HDGFL3: variants seen among roughly 807,000 people sequenced by gnomAD.
The protein encoded by HDGFL3 is hepatoma-derived growth factor-related protein 3.
A neutral mutation model predicts 27.6 loss-of-function variants in HDGFL3; 6 were observed. The ratio of observed to expected loss-of-function variants is 0.22; its 90% CI spans 0.12 to 0.43. The LOEUF (loss-of-function observed/expected upper bound fraction) is 0.43, where lower values mean the gene tolerates loss of function less well. HDGFL3 is among the 20% of genes least tolerant of loss of function. The pLI is 1.00. For missense variants in HDGFL3, 207 were observed against 250.1 expected (o/e 0.83, Z 1.16); for synonymous variants, 88 against 88.9 (o/e 0.99, Z 0.05).
intron 1 of HDGFL3, among the ~76,000 whole-genome samples, chr15:83,180,449 G>C (rs1399040513): frequency 1.3e-5 from 2 of 151,874 alleles, no homozygotes; most frequent in African/African-American, 2.4e-5. Flanking sequence ...AATTAGAAAA[G>C]GGGAAAAAAC....
chr15:83,201,644 A>C (rs559043028), intron 1 of HDGFL3, among the ~76,000 whole-genome samples: 2 of 152,336 alleles, frequency 1.3e-5, no homozygotes, highest in South Asian at 4.1e-4. Context: ...AAAAGAATCA[A>C]ATACAATCTC....
chr15:83,151,352 T>C lies in HDGFL3; in HGVS notation c.469A>G (p.Lys157Glu). The change falls in exon 5 of 6, where the codon AAA becomes GAA. Residue 157 changes from lysine to glutamate, a missense_variant. Coordinates refer to ENST00000299633, the MANE Select transcript of HDGFL3 (RefSeq NM_016073.4). Reference sequence around the variant, plus strand: ...TCTCCTGGAGATTTCCGGGACTGTTTAGAGGATTTCTAAATGTTTAGACAA... The same window carrying C: ...TCTCCTGGAGATTTCCGGGACTGTTCAGAGGATTTCTAAATGTTTAGACAA... ...KKSYTSKKSS[K>E]QSRKSPGDED... The C allele has an allele frequency of 6.2e-7, 1 of 1,608,946 alleles. No homozygotes were observed. Among genetic ancestry groups the C allele is most frequent in the Non-Finnish European group, 8.5e-7 (1 of 1,178,540 alleles).
At chr15:83,160,375 C>T (rs1268408470) in intron 2 of HDGFL3, among the ~76,000 whole-genome samples, 6 of 152,006 alleles carry the variant, frequency 3.9e-5, no homozygotes, top group South Asian at 2.1e-4. Flanking sequence ...TTGATAGAGA[C>T]GGGGTTTCAC....
exon 4 of HDGFL3, chr15:83,112,779 C>T (rs1196557733): frequency 6.3e-7 from 1 of 1,581,704 alleles, no homozygotes; most frequent in Non-Finnish European, 8.7e-7. Context: ...GACCACCTCC[C>T]TGTTCTGGTC....
intron 1 of HDGFL3, among the ~76,000 whole-genome samples, chr15:83,173,163 G>A (rs2037267305): frequency 6.6e-6 from 1 of 152,140 alleles, no homozygotes; most frequent in African/African-American, 2.4e-5. Flanking sequence ...GACTTATAAT[G>A]GTTTGACTTA....
rs895786738 is a variant in HDGFL3 at position 83,130,639 on chromosome 15, T to G, written c.*8631A>C. 1 of 152,222 alleles carries G rather than the reference T, an allele frequency of 6.6e-6. No homozygotes were observed. The highest frequency in any genetic ancestry group is 1.5e-5 in the Non-Finnish European group (1 of 68,058). 9.4% of individuals were successfully genotyped at this position (152,222 alleles called of 1,614,324 possible). Reference sequence around the variant, plus strand: ...TGGCTGAGCTTTAATATCTACCCACTTATAGTGTGTAGGCTAAGGAAAAGT... The same window carrying G: ...TGGCTGAGCTTTAATATCTACCCACGTATAGTGTGTAGGCTAAGGAAAAGT... On this transcript the variant is annotated 3_prime_UTR_variant, in exon 6 of 6. Transcript: ENST00000299633.
intron 5 of HDGFL3, among the ~76,000 whole-genome samples, chr15:83,147,242 T>TAGTACGGTGTATTTTC (rs1241030956): frequency 6.6e-6 from 1 of 152,048 alleles, no homozygotes; most frequent in East Asian, 1.9e-4. Flanking sequence ...TTTGTATTTT[T>TAGTACGGTGTATTTTC]AGTATGGTGT....
chr15:83,172,668 T>C (rs527252023), intron 1 of HDGFL3, among the ~76,000 whole-genome samples: 307 of 151,844 alleles, frequency 2.0e-3, no homozygotes, highest in Middle Eastern at 6.8e-3. Context: ...TGAAACTCCG[T>C]CTCTACTAAA....
intron 2 of HDGFL3, among the ~76,000 whole-genome samples, chr15:83,163,474 G>A (rs925577532): frequency 6.6e-5 from 10 of 152,148 alleles, no homozygotes; most frequent in Non-Finnish European, 1.5e-4. Flanking sequence ...TCAAAAGAAA[G>A]AAATAAACTT....
At chr15:83,126,768 G>A, downstream of HDGFL3, 1 of 1,612,608 alleles carries the variant, frequency 6.2e-7, no homozygotes, top group Non-Finnish European at 8.5e-7. Flanking sequence ...GCTTTGGATT[G>A]CCCATCTGAG....
At chr15:83,170,490 T>G (rs991197511) in intron 1 of HDGFL3, among the ~76,000 whole-genome samples, 2 of 152,164 alleles carry the variant, frequency 1.3e-5, no homozygotes, top group African/African-American at 4.8e-5. Flanking sequence ...ATTTGATACA[T>G]GGTGCTGGGA....
chr15:83,203,209 G>GT (rs2037671579), intron 1 of HDGFL3, among the ~76,000 whole-genome samples: 1 of 152,040 alleles, frequency 6.6e-6, no homozygotes, highest in Non-Finnish European at 1.5e-5. Flanking sequence ...ACCTTTTAGA[G>GT]TAGGGGGTAA....
At position 83,207,193 on chromosome 15, in the gene HDGFL3, C is replaced by T. The variant is rs1184975587; in HGVS notation, c.84+138G>A. On this transcript the variant is annotated intron_variant, in intron 1 of 5. Coordinates refer to ENST00000299633, the MANE Select transcript of HDGFL3 (RefSeq NM_016073.4). This position sits in a 1 kb window ranked among gnomAD's most constrained non-coding sequence, Gnocchi z 4.8. ...AGCCCCGGCCCGGTCTTCTTCGTGC[C>T]GCGCCGCCCTCAGCCCTCACCACAG... 12 of 497,682 alleles carry T rather than the reference C, an allele frequency of 2.4e-5. No individual in the cohort carries two copies. Among genetic ancestry groups the T allele is most frequent in the Non-Finnish European group, 3.8e-5 (12 of 317,668 alleles). The allele number at this position is 497,682 out of a possible 1,614,324, so 30.8% of individuals were successfully genotyped here. A position where few individuals can be genotyped will look rare whatever the true frequency, so the allele number is the denominator to read the frequency against.
In HDGFL3 at chr15:83,135,339, CTT is replaced by C. The variant is rs1596535503; in HGVS notation, c.*3929_*3930del. 1.3e-5 allele frequency: 2 copies of C among 152,302 alleles called. No individual in the cohort carries two copies. Among genetic ancestry groups the C allele is most frequent in the East Asian group, 3.9e-4 (2 of 5,188 alleles). 9.4% of individuals were successfully genotyped at this position (152,302 alleles called of 1,614,324 possible). A position where few individuals can be genotyped will look rare whatever the true frequency, so the allele number is the denominator to read the frequency against. ...TTCATATGGAAGAAATGTAAAATAA[CTT>C]ATATGTATTTAAAGCAAATTATCTA... On this transcript the variant is annotated 3_prime_UTR_variant, in exon 6 of 6. Coordinates refer to ENST00000299633, the MANE Select transcript of HDGFL3 (RefSeq NM_016073.4).
rs190503642 is a variant in HDGFL3 at position 83,163,917 on chromosome 15, C to G, written c.161+82G>C. On this transcript the variant is annotated intron_variant, in intron 2 of 5. Transcript: ENST00000299633. ...ACTGATTATAATGATTTTAATAAGA[C>G]GTAAGATGTCAGAGATCATCCATAA... 5 of 881,794 alleles carry G rather than the reference C, an allele frequency of 5.7e-6. No homozygotes were observed. In the African/African-American group the frequency reaches 6.8e-5, roughly 12 times the overall value. The allele number at this position is 881,794 out of a possible 1,614,324, so 54.6% of individuals were successfully genotyped here. A position where few individuals can be genotyped will look rare whatever the true frequency, so the allele number is the denominator to read the frequency against.
chr15:83,158,851 C>CT (rs554737989), intron 2 of HDGFL3, among the ~76,000 whole-genome samples: 9 of 151,164 alleles, frequency 6.0e-5, no homozygotes, highest in Admixed American at 2.0e-4. Context: ...TTATTTCTTT[C>CT]TTTTTTTTTC....
In HDGFL3 at chr15:83,133,487, AATCAGAGTAT is replaced by A. The variant is rs2151385681; in HGVS notation, c.*5773_*5782del. On this transcript the variant is annotated 3_prime_UTR_variant, in exon 6 of 6. Transcript: ENST00000299633. ...TTCCAATCATCCATTCTTAAAAAAA[AATCAGAGTAT>A]ATCTCTTAATTATTTCTGTAAGGTG... is the stretch of plus-strand genomic sequence containing the variant. 1 of 152,372 alleles carries A rather than the reference AATCAGAGTAT, an allele frequency of 6.6e-6. No individual in the cohort carries two copies. Among genetic ancestry groups the A allele is most frequent in the African/African-American group, 2.4e-5 (1 of 41,586 alleles). 9.4% of individuals were successfully genotyped at this position (152,372 alleles called of 1,614,324 possible).
chr15:83,116,227 GT>G (rs2034648393), intron 3 of HDGFL3, among the ~76,000 whole-genome samples: 2 of 152,172 alleles, frequency 1.3e-5, no homozygotes, highest in Non-Finnish European at 1.5e-5. Context: ...TATAAATAAG[GT>G]ACCTTAAATG....
At chr15:83,148,510 T>C (rs1342334894) in intron 5 of HDGFL3, among the ~76,000 whole-genome samples, 1 of 151,776 alleles carries the variant, frequency 6.6e-6, no homozygotes, top group Non-Finnish European at 1.5e-5. Context: ...TAGTCCCAGC[T>C]ACTTGGGAGG....
Sources: gnomAD v4.1 joint callset for allele counts (sites outside exome capture counted in the v4.1 genomes callset) on GRCh38, gnomAD v4.1.1 for gene constraint, Gnocchi (gnomAD v3.1) non-coding constraint, MANE v1.5 for transcripts, NCBI Gene and HGNC (gene_info 2026-07-23, HGNC 2026-07-21) for gene names.